Variants in SLC25A51 observed in about 807,000 individuals in gnomAD.
SLC25A51 encodes the protein solute carrier family 25 member 51.
A neutral mutation model predicts 19.1 loss-of-function variants in SLC25A51; 11 were observed. The ratio of observed to expected loss-of-function variants is 0.58; its 90% CI spans 0.36 to 0.96. SLC25A51 has a LOEUF of 0.96. SLC25A51 is among the 40% of genes least tolerant of loss of function. SLC25A51 has a pLI of 0.01. For synonymous variants in SLC25A51, 105 were observed against 133.6 expected, an observed-to-expected ratio of 0.79 and a Z score of 1.47; for missense variants, 201 against 365.4, an observed-to-expected ratio of 0.55 and a Z score of 3.67.
downstream of SLC25A51, chr9:37,886,256 C>A (rs182115580): frequency 1.9e-6 from 3 of 1,611,574 alleles, no homozygotes; most frequent in South Asian, 3.3e-5. Flanking sequence ...GAATGTGATC[C>A]GAGAATTTAA....
exon 4 of SLC25A51, chr9:37,879,553 ATAAT>A (rs1276896233): frequency 6.5e-6 from 1 of 153,508 alleles, no homozygotes; most frequent in Non-Finnish European, 1.5e-5. Flanking sequence ...TGCAGAAAAA[ATAAT>A]TAGAGAACAC....
At chr9:37,881,119 T>C (rs1164782467) in intron 3 of SLC25A51, among the ~76,000 whole-genome samples, 1 of 151,526 alleles carries the variant, frequency 6.6e-6, no homozygotes, top group African/African-American at 2.4e-5. Context: ...AACATGCAAA[T>C]TCACAATGTG....
chr9:37,888,975 A>AT (rs1831521969), intron 2 of SLC25A51, among the ~76,000 whole-genome samples: 1 of 152,154 alleles, frequency 6.6e-6, no homozygotes, highest in African/African-American at 2.4e-5. Context: ...CATGAATGTT[A>AT]TTTTTCATGA....
chr9:37,896,915 A>G (rs1440399628), intron 2 of SLC25A51, among the ~76,000 whole-genome samples: 1 of 152,232 alleles, frequency 6.6e-6, no homozygotes, highest in Admixed American at 6.5e-5. Flanking sequence ...AGGGGAGATA[A>G]GACGTGCAAA....
At chr9:37,886,886 G>A (rs1831468334), downstream of SLC25A51, among the ~76,000 whole-genome samples, 1 of 152,132 alleles carries the variant, frequency 6.6e-6, no homozygotes, top group Non-Finnish European at 1.5e-5. Context: ...AAGCCTGGCT[G>A]GGCGCGGTGG....
At chr9:37,900,218 A>G (rs1831816895) in intron 1 of SLC25A51, among the ~76,000 whole-genome samples, 1 of 151,682 alleles carries the variant, frequency 6.6e-6, no homozygotes, top group Non-Finnish European at 1.5e-5. Context: ...AGGCCAAGGC[A>G]GGCGAATCAT....
downstream of SLC25A51, chr9:37,879,037 A>G: frequency 3.1e-6 from 1 of 319,910 alleles, no homozygotes; most frequent in Non-Finnish European, 6.3e-6. Context: ...GTGCAGTGTT[A>G]TAGTATTGAT....
chr9:37,890,303 G>C (rs1177403413), intron 2 of SLC25A51, among the ~76,000 whole-genome samples: 1 of 152,180 alleles, frequency 6.6e-6, no homozygotes, highest in Non-Finnish European at 1.5e-5. Context: ...AGGATCAATT[G>C]AGCCAGGGAG....
At chr9:37,890,589 G>C (rs1831561031) in intron 2 of SLC25A51, among the ~76,000 whole-genome samples, 1 of 152,100 alleles carries the variant, frequency 6.6e-6, no homozygotes, top group South Asian at 2.1e-4. Flanking sequence ...CCAGCTACTG[G>C]GAAGGTGGAG....
downstream of SLC25A51, among the ~76,000 whole-genome samples, chr9:37,883,051 G>A (rs778175680): frequency 2.0e-5 from 3 of 152,190 alleles, no homozygotes; most frequent in Non-Finnish European, 4.4e-5. Flanking sequence ...CGCCATGTTG[G>A]CCAGGCTGGT....
intron 1 of SLC25A51, among the ~76,000 whole-genome samples, chr9:37,901,847 T>G (rs1831855421): frequency 6.6e-6 from 1 of 152,222 alleles, no homozygotes; most frequent in Non-Finnish European, 1.5e-5. Flanking sequence ...TTTTTACTGA[T>G]TCAGCTGATA....
downstream of SLC25A51, among the ~76,000 whole-genome samples, chr9:37,884,939 T>C (rs1235088036): frequency 1.3e-5 from 2 of 152,226 alleles, no homozygotes; most frequent in Non-Finnish European, 2.9e-5. Context: ...TCATAGCTCC[T>C]TGATCTACCA....
downstream of SLC25A51, among the ~76,000 whole-genome samples, chr9:37,885,362 A>C (rs921523463): frequency 1.6e-4 from 24 of 151,764 alleles, no homozygotes; most frequent in Admixed American, 5.2e-4. Flanking sequence ...AAAAAAAAAA[A>C]AAAAAACCTT....
chr9:37,897,336 T>C (rs1440876612), intron 2 of SLC25A51, among the ~76,000 whole-genome samples: 2 of 152,136 alleles, frequency 1.3e-5, no homozygotes, highest in Non-Finnish European at 2.9e-5. Flanking sequence ...ATTACAGACA[T>C]GAGCCACTTT....
chr9:37,900,501 G>A (rs1356840611), intron 1 of SLC25A51, among the ~76,000 whole-genome samples: 3 of 151,818 alleles, frequency 2.0e-5, no homozygotes, highest in South Asian at 2.1e-4. Context: ...ACTGGAGTAC[G>A]GTGGTACGAT....
rs545438596 is a variant in SLC25A51 at position 37,897,564 on chromosome 9, T to C, written c.-43+2265A>G. ...AAATTTTGCCTTCTCTTTTATAATA[T>C]GTGTAATTCTTTCTTCTTATTGAAC... On this transcript the variant is annotated intron_variant, in intron 2 of 2. Transcript: ENST00000242275. Among the ~76,000 whole-genome samples the C allele has an allele frequency of 9.7e-4, 148 of 152,122 alleles. 3 individuals carry two copies. Among genetic ancestry groups the C allele is most frequent in the African/African-American group, 3.5e-3 (145 of 41,548 alleles).
chr9:37,891,674 C>T (rs1831589710), intron 2 of SLC25A51, among the ~76,000 whole-genome samples: 1 of 152,006 alleles, frequency 6.6e-6, no homozygotes, highest in Non-Finnish European at 1.5e-5. Context: ...CGTTAAGAGT[C>T]ATCACCACTC....
At chr9:37,900,391 G>A (rs1212943208) in intron 1 of SLC25A51, among the ~76,000 whole-genome samples, 2 of 151,256 alleles carry the variant, frequency 1.3e-5, no homozygotes, top group East Asian at 2.0e-4. Flanking sequence ...AGAGGTTGCA[G>A]TAAACCAAGA....
intron 2 of SLC25A51, among the ~76,000 whole-genome samples, chr9:37,893,801 T>G (rs1056882007): frequency 7.2e-5 from 11 of 152,034 alleles, no homozygotes; most frequent in African/African-American, 2.7e-4. Context: ...GTGTATAACC[T>G]ACATGAATAG....
Sources: allele counts gnomAD v4.1 joint callset (sites outside exome capture counted in the v4.1 genomes callset), GRCh38; gene constraint gnomAD v4.1.1; transcripts MANE v1.5; gene names NCBI Gene and HGNC (gene_info 2026-07-23, HGNC 2026-07-21).